Variants in ITK observed in about 807,000 individuals in gnomAD.
ITK encodes the protein tyrosine-protein kinase ITK/TSK.
Under a neutral mutation model 87.6 loss-of-function variants are expected in ITK, and 45 were observed. The ratio of observed to expected loss-of-function variants is 0.51; its 90% confidence interval spans 0.40 to 0.66. ITK has a LOEUF of 0.66. Ranked by LOEUF, ITK falls within the 30% of genes least tolerant of loss-of-function variation. The probability of loss-of-function intolerance (pLI) is 0.00; values close to 1 mark genes in which losing one functional copy is unlikely to be tolerated. For synonymous variants in ITK, 303 were observed against 273.6 expected (o/e 1.11, Z -1.06); for missense variants, 605 against 766.3 (o/e 0.79, Z 2.48).
chr5:157,238,258 A>C (rs34184802), intron 9 of ITK, 67 bp downstream of exon 9: 27,420 of 1,200,576 alleles, frequency 0.023, 447 homozygotes, highest in Non-Finnish European at 0.029. Context: ...CACTGGGGAA[A>C]AGACAACAAA....
intron 1 of ITK, among the ~76,000 whole-genome samples, chr5:157,185,577 G>C (rs1395957324): frequency 1.3e-5 from 2 of 151,654 alleles, no homozygotes; most frequent in Non-Finnish European, 2.9e-5. Flanking sequence ...CAGACACAGA[G>C]ACTCACGCCT....
intron 1 of ITK, among the ~76,000 whole-genome samples, chr5:157,192,715 G>T (rs976306721): frequency 6.6e-6 from 1 of 152,186 alleles, no homozygotes; most frequent in Non-Finnish European, 1.5e-5. Context: ...AGCAGGGCAG[G>T]GAAACTGCCC....
intron 8 of ITK, among the ~76,000 whole-genome samples, chr5:157,235,318 C>G (rs779104726): frequency 3.3e-5 from 5 of 152,204 alleles, no homozygotes; most frequent in Non-Finnish European, 5.9e-5. Flanking sequence ...TAAAAAGCAT[C>G]TCCTAATGTG....
At chr5:157,181,442 TATGAAACATACTAAATTTA>T (rs1374924723) in intron 1 of ITK, among the ~76,000 whole-genome samples, 19 of 152,352 alleles carry the variant, frequency 1.2e-4, no homozygotes, top group African/African-American at 2.2e-4. Flanking sequence ...TTGAACTTTC[TATGAAACATACTAAATTTA>T]ATGAAACATA....
chr5:157,221,325 A>G (rs1309713255), intron 5 of ITK, among the ~76,000 whole-genome samples: 1 of 152,112 alleles, frequency 6.6e-6, no homozygotes, highest in Non-Finnish European at 1.5e-5. Context: ...TTCTGAACCA[A>G]AGCATAGTCT....
intron 3 of ITK, 91 bp downstream of exon 3, chr5:157,211,459 C>G: frequency 9.4e-7 from 1 of 1,060,402 alleles, no homozygotes; most frequent in Non-Finnish European, 1.5e-6. Flanking sequence ...GGTGTGAGAG[C>G]AGCTGATGGC....
intron 16 of ITK, among the ~76,000 whole-genome samples, chr5:157,249,881 T>C (rs372267366): frequency 2.0e-5 from 3 of 152,230 alleles, no homozygotes; most frequent in East Asian, 1.9e-4. Context: ...ATAATAATGA[T>C]GGCTGACATT....
At chr5:157,232,424 A>G in intron 8 of ITK, 30 bp downstream of exon 8, 1 of 1,510,554 alleles carries the variant, frequency 6.6e-7, no homozygotes, top group Non-Finnish European at 9.2e-7. Context: ...CTTTTGACAT[A>G]AAATAAAATG....
intron 13 of ITK, 43 bp downstream of exon 13, chr5:157,244,521 G>A (rs1317597532): frequency 9.1e-7 from 1 of 1,094,452 alleles, no homozygotes; most frequent in East Asian, 2.4e-5. Context: ...CAGGGTAAAG[G>A]GACAGTTCTC....
intron 8 of ITK, among the ~76,000 whole-genome samples, chr5:157,232,611 G>C (rs1023580630): frequency 1.4e-5 from 2 of 140,450 alleles, no homozygotes; most frequent in African/African-American, 5.1e-5. Context: ...GGGAGGGAGG[G>C]AGGGAAGAAA....
intron 1 of ITK, among the ~76,000 whole-genome samples, chr5:157,198,546 G>A (rs1332839549): frequency 1.3e-5 from 2 of 152,074 alleles, no homozygotes; most frequent in Non-Finnish European, 1.5e-5. Context: ...GACAGGTGTG[G>A]GATGGATCAG....
intron 8 of ITK, among the ~76,000 whole-genome samples, chr5:157,233,449 C>G (rs1269166472): frequency 6.6e-6 from 1 of 152,216 alleles, no homozygotes; most frequent in Non-Finnish European, 1.5e-5. Flanking sequence ...CTCCTTGGCT[C>G]TACATCAACT....
chr5:157,212,538 G>A (rs921562742), intron 3 of ITK, among the ~76,000 whole-genome samples: 1 of 152,182 alleles, frequency 6.6e-6, no homozygotes, highest in Non-Finnish European at 1.5e-5. Flanking sequence ...TAATCAAAAT[G>A]GGCTGGGCGC....
chr5:157,244,514 G>A (rs1286382570), intron 13 of ITK, 36 bp downstream of exon 13: 3 of 1,163,978 alleles, frequency 2.6e-6, no homozygotes, highest in African/African-American at 3.0e-5. Context: ...ACAGGTCCAG[G>A]GTAAAGGGAC....
At chr5:157,193,954 T>A (rs769581804) in intron 1 of ITK, among the ~76,000 whole-genome samples, 12 of 152,142 alleles carry the variant, frequency 7.9e-5, no homozygotes, top group Admixed American at 2.0e-4. Context: ...TCTCATTTCC[T>A]CCTTACAATT....
intron 1 of ITK, among the ~76,000 whole-genome samples, chr5:157,203,058 A>G (rs1329688002): frequency 1.3e-5 from 2 of 152,174 alleles, no homozygotes; most frequent in East Asian, 3.8e-4. Context: ...CTTCTCCCAG[A>G]TGGCTCCTGT....
At chr5:157,248,720 G>GA in intron 15 of ITK, 130 bp from the exon 16 acceptor site, 1 of 1,030,476 alleles carries the variant, frequency 9.7e-7, no homozygotes. Flanking sequence ...GCCTCAGGTA[G>GA]ACTTGATGCA....
chr5:157,212,312 C>T (rs541490067), intron 3 of ITK, among the ~76,000 whole-genome samples: 3 of 152,246 alleles, frequency 2.0e-5, no homozygotes, highest in East Asian at 1.9e-4. Flanking sequence ...TCTGCCTCTA[C>T]GAAGCTGTGA....
At chr5:157,221,938 C>A (rs565004344) in intron 5 of ITK, among the ~76,000 whole-genome samples, 14 of 152,024 alleles carry the variant, frequency 9.2e-5, no homozygotes, top group African/African-American at 3.4e-4. Context: ...GTCACTTGAG[C>A]CCAGGAGTTT....
Sources: gnomAD v4.1 joint callset for allele counts (sites outside exome capture counted in the v4.1 genomes callset) on GRCh38, gnomAD v4.1.1 for gene constraint, MANE v1.5 for transcripts, NCBI Gene and HGNC (gene_info 2026-07-23, HGNC 2026-07-21) for gene names.